The following TJP1 variants were observed in gnomAD, a reference collection of about 807,000 sequenced individuals.
TJP1 encodes the protein tight junction protein ZO-1.
In TJP1, 43 loss-of-function variants were observed where a neutral mutation model predicts 194.2. That is an observed-to-expected ratio of 0.22 (90% CI 0.17 to 0.29). The LOEUF (loss-of-function observed/expected upper bound fraction) is 0.29. Ranked by LOEUF, TJP1 falls within the 10% of genes least tolerant of loss-of-function variation. The pLI, the probability that TJP1 is intolerant of heterozygous loss-of-function variation, is 1.00. For synonymous variants in TJP1, 801 were observed against 779.0 expected (o/e 1.03, Z -0.47); for missense variants, 1,971 against 2,185.7 (o/e 0.90, Z 1.96).
At chr15:29,904,250 A>G (rs375388201) in intron 2 of TJP1, among the ~76,000 whole-genome samples, 1 of 152,086 alleles carries the variant, frequency 6.6e-6, no homozygotes, top group Admixed American at 6.5e-5. Context: ...GACTGCTCCA[A>G]CTGCTCTGCG....
rs372761850 is a variant in TJP1 at position 29,719,800 on chromosome 15, A to G, written c.2980T>C (p.Ser994Pro). 7.4e-6 allele frequency: 12 copies of G among 1,613,850 alleles called. No individual in the cohort carries two copies. In the African/African-American group the frequency reaches 1.6e-4, roughly 22 times the overall value. ...ACCTTTGTTGGATCTACATGCGACG[A>G]CAATGATGGTTCTTGATCTCTTAGC... ...IMLRDQEPSL[S>P]SHVDPTKVYR... The change falls in exon 20 of 28, where the codon TCG (serine) becomes CCG (proline). Residue 994 changes from serine to proline, a missense_variant. Transcript: ENST00000614355.
At chr15:29,819,115 G>C (rs1405293189) in intron 1 of TJP1, among the ~76,000 whole-genome samples, 1 of 152,042 alleles carries the variant, frequency 6.6e-6, no homozygotes, top group African/African-American at 2.4e-5. Flanking sequence ...TTCAATCTAG[G>C]TACATACATA....
intron 2 of TJP1, among the ~76,000 whole-genome samples, chr15:29,915,494 C>T (rs1286427582): frequency 6.6e-6 from 1 of 152,190 alleles, no homozygotes; most frequent in Non-Finnish European, 1.5e-5. Flanking sequence ...TGTTACTGGT[C>T]TTTATCAAAG....
intron 2 of TJP1, among the ~76,000 whole-genome samples, chr15:29,954,487 G>T (rs529537522): frequency 3.4e-4 from 52 of 152,130 alleles, no homozygotes; most frequent in African/African-American, 1.3e-3. Flanking sequence ...ATTTAAATTT[G>T]TTTCTTGATT....
chr15:29,795,305 C>T (rs545041877), intron 2 of TJP1, among the ~76,000 whole-genome samples: 3 of 151,738 alleles, frequency 2.0e-5, no homozygotes, highest in Admixed American at 2.0e-4. Flanking sequence ...TGCTTACAGT[C>T]CCAGCTACTC....
At chr15:29,792,125 T>G (rs1032330048) in intron 2 of TJP1, among the ~76,000 whole-genome samples, 2 of 152,260 alleles carry the variant, frequency 1.3e-5, no homozygotes, top group African/African-American at 4.8e-5. Flanking sequence ...GAGCTTGATG[T>G]GATCCCACTG....
chr15:29,702,678 A>T (rs770636675), intron 27 of TJP1, among the ~76,000 whole-genome samples: 15 of 152,200 alleles, frequency 9.9e-5, no homozygotes, highest in Non-Finnish European at 1.8e-4. Context: ...TGCTTACAGT[A>T]CGTTAGACAT....
chr15:29,822,572 G>T (rs2050490218), upstream of TJP1: 1 of 805,396 alleles, frequency 1.2e-6, no homozygotes, highest in African/African-American at 1.9e-5. Context: ...CCGCGGCGGG[G>T]GAGGGGGCGG....
chr15:29,750,232 T>G (rs929110334), intron 8 of TJP1, among the ~76,000 whole-genome samples: 2 of 152,078 alleles, frequency 1.3e-5, no homozygotes, highest in Non-Finnish European at 2.9e-5. Context: ...GGTCTTGATC[T>G]GCCCTCATGA....
chr15:29,800,768 G>A, intron 1 of TJP1, 66 bp from the exon 2 acceptor site: 1 of 1,509,080 alleles, frequency 6.6e-7, no homozygotes. Flanking sequence ...AGGTGAGCAA[G>A]AACATCCAAC....
chr15:29,898,731 G>A (rs913294864), intron 2 of TJP1, among the ~76,000 whole-genome samples: 1 of 152,228 alleles, frequency 6.6e-6, no homozygotes, highest in Admixed American at 6.5e-5. Context: ...TTCAGATTAC[G>A]GATGCTCTAC....
intron 2 of TJP1, among the ~76,000 whole-genome samples, chr15:29,874,748 G>C (rs2052640350): frequency 6.6e-6 from 1 of 152,106 alleles, no homozygotes; most frequent in Non-Finnish European, 1.5e-5. Flanking sequence ...AAAAAAGTCT[G>C]ATTTCCTATT....
chr15:29,775,115 C>T (rs2046932223), intron 2 of TJP1, among the ~76,000 whole-genome samples: 4 of 152,178 alleles, frequency 2.6e-5, no homozygotes, highest in African/African-American at 9.6e-5. Flanking sequence ...GTCTCCACGC[C>T]ATAGGGGCTC....
rs2151107591 is a variant in TJP1, at chr15:29,718,040, G to C, written c.3955C>G (p.His1319Asp). The C allele has an allele frequency of 6.2e-7, 1 of 1,610,662 alleles. No individual in the cohort carries two copies. The highest frequency in any genetic ancestry group is 2.2e-5 in the East Asian group (1 of 44,646). The change falls in exon 22 of 28, where the codon CAT becomes GAT. Residue 1319 changes from histidine (H) to aspartate (D), a missense_variant. Coordinates refer to ENST00000614355, the MANE Select transcript of TJP1 (RefSeq NM_001330239.4). Reference sequence around the variant, plus strand: ...ACTCACCTGTACAGAGTTTTGTCATGTTCACTGAATTGATTCTGAGAAGTG... The same window carrying C: ...ACTCACCTGTACAGAGTTTTGTCATCTTCACTGAATTGATTCTGAGAAGTG... ...KPTSQNQFSE[H>D]DKTLYRIPEP... is the part of the protein sequence containing the mutation.
At chr15:29,866,453 A>G (rs190375398) in intron 2 of TJP1, among the ~76,000 whole-genome samples, 35 of 152,332 alleles carry the variant, frequency 2.3e-4, no homozygotes, top group African/African-American at 8.2e-4. Context: ...GTATTTGAAC[A>G]TGGCTTTGGC....
chr15:29,861,197 G>A (rs141821231), intron 2 of TJP1, among the ~76,000 whole-genome samples: 1,990 of 152,218 alleles, frequency 0.013, 21 homozygotes, highest in Non-Finnish European at 0.021. Flanking sequence ...GTTTAACATA[G>A]ACCTGCAAAC....
chr15:29,880,262 T>C (rs1390126046), intron 2 of TJP1, among the ~76,000 whole-genome samples: 1 of 152,244 alleles, frequency 6.6e-6, no homozygotes, highest in African/African-American at 2.4e-5. Context: ...GTCCTTTGTT[T>C]AGTTTATTAA....
At chr15:29,894,890 C>A (rs2053428401) in intron 2 of TJP1, among the ~76,000 whole-genome samples, 1 of 152,228 alleles carries the variant, frequency 6.6e-6, no homozygotes, top group Non-Finnish European at 1.5e-5. Flanking sequence ...CACTGCCACA[C>A]CTGGGCCTAC....
chr15:29,749,428 G>C (rs1170953005), intron 8 of TJP1, among the ~76,000 whole-genome samples: 1 of 152,152 alleles, frequency 6.6e-6, no homozygotes, highest in Non-Finnish European at 1.5e-5. Context: ...AAAAAACTTT[G>C]GTTGTGAAAT....
Sources: gnomAD v4.1 joint callset for allele counts (sites outside exome capture counted in the v4.1 genomes callset) on GRCh38, gnomAD v4.1.1 for gene constraint, MANE v1.5 for transcripts, NCBI Gene and HGNC (gene_info 2026-07-23, HGNC 2026-07-21) for gene names.